The following ARSH variants were observed in gnomAD, a reference collection of about 807,000 sequenced individuals.
ARSH encodes arylsulfatase H.
A neutral mutation model predicts 28.7 loss-of-function variants in ARSH; 32 were observed. The observed-to-expected ratio is 1.11, with a 90% CI of 0.84 to 1.50. ARSH has a LOEUF of 1.50. Among genes scored for constraint, ARSH ranks in the 40% most tolerant of loss-of-function variants. The pLI is 0.00. For synonymous variants in ARSH, 176 were observed against 177.3 expected (o/e 0.99, Z 0.06); for missense variants, 440 against 452.4 (o/e 0.97, Z 0.25).
chrX:3,019,707 T>G (rs5982981), intron 5 of ARSH, among the ~76,000 whole-genome samples: 1 of 109,691 alleles, frequency 9.1e-6, no homozygotes, highest in African/African-American at 3.3e-5. Context: ...TTATATGGAG[T>G]GCCTTTGAAA....
At chrX:3,017,398 T>C (rs2089869022) in intron 4 of ARSH, among the ~76,000 whole-genome samples, 1 of 110,455 alleles carries the variant, frequency 9.1e-6, no homozygotes, top group Non-Finnish European at 1.9e-5. Flanking sequence ...AGCTCCCATC[T>C]CTACAAAAAA....
Position 3,020,970 on chromosome X carries a change from C to G in ARSH, c.901+2300C>G, listed in dbSNP as rs1034447709. On this transcript the variant is annotated intron_variant, in intron 5 of 8. Transcript: ENST00000381130. Reference sequence around the variant, plus strand: ...TATATACATATATATATACACACACCCCATATGGTTTATATGTATACACAA... The same window carrying G: ...TATATACATATATATATACACACACGCCATATGGTTTATATGTATACACAA... 1.6e-3 allele frequency among the ~76,000 whole-genome samples: 176 copies of G among 110,772 alleles called. 1 individual carries two copies. The highest frequency in any genetic ancestry group is 1.8e-3 in the Non-Finnish European group (95 of 52,961).
In ARSH at chrX:3,033,379, T is replaced by A. The variant is rs2089920423; in HGVS notation, c.1683T>A (p.Ala561=). 2 of 1,196,630 alleles carry A rather than the reference T, an allele frequency of 1.7e-6. No individual in the cohort carries two copies. Among genetic ancestry groups the A allele is most frequent in the Non-Finnish European group, 2.3e-6 (2 of 888,646 alleles). ...CDKEDDILPM[A]P ...AGGAAGATGACATCCTTCCCATGGC[T>A]CCCTGAGACCATGCGGACCACGTGT... Residue 561 remains alanine (A), a synonymous_variant, in exon 9 of 9, where the codon GCT becomes GCA. Coordinates refer to ENST00000381130, the MANE Select transcript of ARSH (RefSeq NM_001011719.2).
Position 3,007,712 on chromosome X carries a change from T to A in ARSH, c.92+1008T>A, listed in dbSNP as rs760047634. Among the ~76,000 whole-genome samples, 54 of 105,872 alleles carry A rather than the reference T, an allele frequency of 5.1e-4. 1 individual carries two copies. The South Asian group carries it at 0.02, about 39-fold the overall frequency. The allele number at this position is 105,872 out of a possible 115,157, so 91.9% of individuals were successfully genotyped here. A position where few individuals can be genotyped will look rare whatever the true frequency, so the allele number is the denominator to read the frequency against. The stretch of plus-strand genomic sequence containing the variant: ...TGTCTTAGTCTATTTCAGGCTGCTA[T>A]AAAAGAATACCATAGACTGGGTGGC... On this transcript the variant is annotated intron_variant, in intron 1 of 8. Transcript: ENST00000381130.
chrX:3,013,262 G>A (rs1430598651), intron 3 of ARSH, 90 bp downstream of exon 3: 30 of 1,035,292 alleles, frequency 2.9e-5, no homozygotes, highest in Middle Eastern at 3.6e-4. Flanking sequence ...TTGGCTTTGT[G>A]CGCGCCAGTT....
chrX:3,017,141 C>T (rs756599964), intron 4 of ARSH, among the ~76,000 whole-genome samples: 26 of 111,549 alleles, frequency 2.3e-4, no homozygotes, highest in Non-Finnish European at 3.8e-4. Flanking sequence ...CTGCCCTTCC[C>T]GTCCCAACCC....
intron 7 of ARSH, among the ~76,000 whole-genome samples, chrX:3,028,985 G>A (rs2089906195): frequency 9.2e-6 from 1 of 108,796 alleles, no homozygotes; most frequent in South Asian, 4.1e-4. Context: ...AGCTGAGGCA[G>A]GAGAATTGCT....
chrX:3,029,155 C>A, intron 7 of ARSH, 92 bp from the exon 8 acceptor site: 1 of 942,088 alleles, frequency 1.1e-6, no homozygotes, highest in Non-Finnish European at 1.4e-6. Context: ...CCTTTTCCTC[C>A]TCCTCCTCCT....
chrX:3,020,159 C>T (rs5982983), intron 5 of ARSH, among the ~76,000 whole-genome samples: 1,232 of 105,074 alleles, frequency 0.012, 19 homozygotes, highest in African/African-American at 0.041. Flanking sequence ...TGGTGTCACA[C>T]GCACGCCTTG....
chrX:3,030,426 T>C (rs1189164227), intron 8 of ARSH, among the ~76,000 whole-genome samples: 1 of 111,338 alleles, frequency 9.0e-6, no homozygotes, highest in Non-Finnish European at 1.9e-5. Flanking sequence ...TGTTCCTAAG[T>C]GAGTTGTTAC....
rs1167093252 is a variant in ARSH, at chrX:3,033,208, C to T, written c.1512C>T (p.Asp504=). ...PLNPDNEPLF[D]SVIKKMEAAI... ...ACCCTGACAATGAGCCATTATTTGA[C>T]TCCGTGATCAAAAAGATGGAGGCAG... Residue 504 remains aspartate (D), a synonymous_variant, in exon 9 of 9, where the codon GAC becomes GAT. Transcript: ENST00000381130. 3.3e-5 allele frequency: 40 copies of T among 1,211,477 alleles called. No individual in the cohort carries two copies. Among genetic ancestry groups the T allele is most frequent in the Non-Finnish European group, 4.2e-5 (38 of 895,388 alleles).
chrX:3,027,922 T>G (rs2089903360), intron 7 of ARSH, among the ~76,000 whole-genome samples: 1 of 110,654 alleles, frequency 9.0e-6, no homozygotes, highest in Admixed American at 9.6e-5. Flanking sequence ...GCCAACATGG[T>G]GAAACCCCCA....
chrX:3,012,584 T>TATATATATATA (rs1555914126), intron 2 of ARSH, among the ~76,000 whole-genome samples: 3 of 13,615 alleles, frequency 2.2e-4, no homozygotes, highest in Non-Finnish European at 2.5e-4. Context: ...TATATATATA[T>TATATATATATA]ATATATATAT....
At chrX:3,028,491 G>A (rs2089904764) in intron 7 of ARSH, among the ~76,000 whole-genome samples, 5 of 110,583 alleles carry the variant, frequency 4.5e-5, no homozygotes. Context: ...TTACAGGCAC[G>A]AGCCACCAGG....
chrX:3,015,528 G>C, intron 4 of ARSH, 135 bp downstream of exon 4: 2 of 624,813 alleles, frequency 3.2e-6, no homozygotes, highest in Non-Finnish European at 4.8e-6. Context: ...TTCTGTTCCT[G>C]TATTAATTTG....
intron 2 of ARSH, among the ~76,000 whole-genome samples, chrX:3,011,432 A>G (rs2147452399): frequency 9.1e-6 from 1 of 110,281 alleles, no homozygotes; most frequent in South Asian, 3.9e-4. Context: ...TATTTTTAGT[A>G]GAGATGGGAT....
At chrX:3,024,272 C>A in intron 6 of ARSH, 117 bp downstream of exon 6, 4 of 714,406 alleles carry the variant, frequency 5.6e-6, no homozygotes, top group Non-Finnish European at 7.5e-6. Flanking sequence ...GAGTTAGACT[C>A]TTATTAAGCT....
chrX:3,031,271 C>A (rs1438929902), intron 8 of ARSH, among the ~76,000 whole-genome samples: 1 of 111,603 alleles, frequency 9.0e-6, no homozygotes, highest in Non-Finnish European at 1.9e-5. Flanking sequence ...ACTATGAATA[C>A]CCACAGCTTA....
chrX:3,028,041 T>G (rs192183154), intron 7 of ARSH, among the ~76,000 whole-genome samples: 184 of 110,708 alleles, frequency 1.7e-3, no homozygotes, highest in African/African-American at 5.9e-3. Flanking sequence ...AGGTAGAGAT[T>G]GCAGTGAGCC....
Sources: gnomAD v4.1 joint callset for allele counts (sites outside exome capture counted in the v4.1 genomes callset) on GRCh38, gnomAD v4.1.1 for gene constraint, MANE v1.5 for transcripts, NCBI Gene and HGNC (gene_info 2026-07-23, HGNC 2026-07-21) for gene names.